Variants in CNTNAP2 observed in about 807,000 individuals in gnomAD.
CNTNAP2 encodes the protein contactin associated protein 2.
Under a neutral mutation model 155.2 loss-of-function variants are expected in CNTNAP2, and 98 were observed. The observed-to-expected ratio is 0.63, with a 90% confidence interval of 0.54 to 0.75. The LOEUF is 0.75. Among genes scored for constraint, CNTNAP2 ranks in the 30% least tolerant of loss-of-function variants. CNTNAP2 has a pLI of 0.00. For synonymous variants in CNTNAP2, 651 were observed against 631.2 expected (o/e 1.03, Z -0.47); for missense variants, 1,727 against 1,688.1 (o/e 1.02, Z -0.40).
At chr7:148,325,665 A>G (rs4726952) in intron 21 of CNTNAP2, among the ~76,000 whole-genome samples, 13,863 of 152,324 alleles carry the variant, frequency 0.091, 806 homozygotes, top group Non-Finnish European at 0.14. Flanking sequence ...TCATGTAAAC[A>G]TAGAACTTTT....
intron 1 of CNTNAP2, among the ~76,000 whole-genome samples, chr7:146,634,298 G>T (rs1029888166): frequency 6.6e-6 from 1 of 152,132 alleles, no homozygotes; most frequent in African/African-American, 2.4e-5. Context: ...TCAGTCAGAA[G>T]AGAGCTGACA....
chr7:148,082,877 C>G lies in CNTNAP2; in HGVS notation c.2384-35241C>G, dbSNP rs183496114. Among the ~76,000 whole-genome samples, 25 of 152,198 alleles carry G rather than the reference C, an allele frequency of 1.6e-4. No individual in the cohort carries two copies. In the East Asian group the frequency reaches 4.8e-3, roughly 29 times the overall value. On this transcript the variant is annotated intron_variant, in intron 15 of 23. Transcript: ENST00000361727. ...TATTTTTAGTAGAGATGAGGTTTCA[C>G]CATGTTGGCCAGGCTGGTGTCGATC...
At chr7:146,682,789 G>A (rs1462058660) in intron 1 of CNTNAP2, among the ~76,000 whole-genome samples, 2 of 152,136 alleles carry the variant, frequency 1.3e-5, no homozygotes, top group African/African-American at 4.8e-5. Context: ...TGCATAATCG[G>A]TTAATAGATA....
chr7:148,321,089 A>G (rs1585270021), intron 21 of CNTNAP2, among the ~76,000 whole-genome samples: 1 of 152,222 alleles, frequency 6.6e-6, no homozygotes, highest in African/African-American at 2.4e-5. Flanking sequence ...CCCAAGTAGC[A>G]AGTGTGGCTA....
intron 9 of CNTNAP2, among the ~76,000 whole-genome samples, chr7:147,357,527 A>AT (rs149820729): frequency 0.035 from 5,268 of 151,428 alleles, 314 homozygotes; most frequent in African/African-American, 0.12. Flanking sequence ...TATTTTAATA[A>AT]TTTTTTTTTG....
At chr7:146,936,915 C>T (rs1471739941) in intron 3 of CNTNAP2, among the ~76,000 whole-genome samples, 1 of 152,034 alleles carries the variant, frequency 6.6e-6, no homozygotes, top group East Asian at 1.9e-4. Context: ...GCCTGATTCA[C>T]GAAGGTTTCA....
chr7:148,191,693 A>G (rs1378761148), intron 18 of CNTNAP2, among the ~76,000 whole-genome samples: 2 of 152,134 alleles, frequency 1.3e-5, no homozygotes, highest in Non-Finnish European at 2.9e-5. Flanking sequence ...CTCTTTTATA[A>G]GGGGACTAAA....
intron 13 of CNTNAP2, among the ~76,000 whole-genome samples, chr7:147,806,216 A>G (rs1798088177): frequency 6.6e-6 from 1 of 152,232 alleles, no homozygotes; most frequent in Non-Finnish European, 1.5e-5. Context: ...TCACATACAT[A>G]TGCCCAACAG....
intron 15 of CNTNAP2, among the ~76,000 whole-genome samples, chr7:148,021,674 C>G (rs1370452614): frequency 1.3e-5 from 2 of 152,206 alleles, no homozygotes; most frequent in African/African-American, 4.8e-5. Context: ...ACTCTGTGCT[C>G]TCAGAGGACT....
intron 1 of CNTNAP2, among the ~76,000 whole-genome samples, chr7:146,209,702 T>C (rs1332363826): frequency 6.6e-6 from 1 of 152,138 alleles, no homozygotes; most frequent in Non-Finnish European, 1.5e-5. Context: ...AAGGAAATGT[T>C]TGAAATAAAG....
At chr7:146,875,881 AACAC>A (rs772485537) in intron 3 of CNTNAP2, among the ~76,000 whole-genome samples, 1 of 139,086 alleles carries the variant, frequency 7.2e-6, no homozygotes, top group East Asian at 2.1e-4. Context: ...CCTTATCTTA[AACAC>A]ACACACACAC....
intron 4 of CNTNAP2, among the ~76,000 whole-genome samples, chr7:147,094,991 C>T (rs1800496750): frequency 6.6e-6 from 1 of 151,916 alleles, no homozygotes; most frequent in Non-Finnish European, 1.5e-5. Flanking sequence ...TGTGCAAGGG[C>T]AACGCATCTT....
intron 2 of CNTNAP2, among the ~76,000 whole-genome samples, chr7:146,807,930 A>T (rs1054875098): frequency 6.6e-6 from 1 of 152,090 alleles, no homozygotes; most frequent in African/African-American, 2.4e-5. Flanking sequence ...GGCATAGTAC[A>T]TTTGCTAGTG....
At position 146,839,732 on chromosome 7, in the gene CNTNAP2, C is replaced by T. The variant is rs1189833182; in HGVS notation, c.230C>T (p.Ser77Leu). The T allele has an allele frequency of 1.9e-6, 3 of 1,614,220 alleles. No individual in the cohort carries two copies. The South Asian group carries it at 3.3e-5, about 18-fold the overall frequency. Residue 77 changes from serine to leucine, a missense_variant, in exon 3 of 24, where the codon TCA becomes TTA. By Grantham distance (145) the Ser-to-Leu change is moderately radical. Transcript: ENST00000361727. ...KRGGAGGWSPSDSDHYQWLQV... is the reference protein window; with the variant it reads ...KRGGAGGWSPLDSDHYQWLQV... ...TCAGGTGCTGGGGGATGGTCTCCAT[C>T]AGACAGCGACCATTATCAATGGCTT...
intron 13 of CNTNAP2, among the ~76,000 whole-genome samples, chr7:147,712,339 A>G (rs1197851226): frequency 6.6e-6 from 1 of 152,148 alleles, no homozygotes; most frequent in Non-Finnish European, 1.5e-5. Context: ...ACAGTGTGGC[A>G]ATTCCTCAAG....
At chr7:147,112,415 G>T (rs1407139257) in intron 5 of CNTNAP2, among the ~76,000 whole-genome samples, 1 of 152,138 alleles carries the variant, frequency 6.6e-6, no homozygotes, top group African/African-American at 2.4e-5. Context: ...GTGTTGAATA[G>T]TCACGGTGAG....
chr7:147,689,465 C>T (rs1796058934), intron 13 of CNTNAP2, among the ~76,000 whole-genome samples: 1 of 152,052 alleles, frequency 6.6e-6, no homozygotes, highest in Non-Finnish European at 1.5e-5. Context: ...TTACTTTGAT[C>T]TCCCTCTCAT....
chr7:147,277,849 A>C (rs1260381955), intron 8 of CNTNAP2, among the ~76,000 whole-genome samples: 1 of 151,664 alleles, frequency 6.6e-6, no homozygotes, highest in Non-Finnish European at 1.5e-5. Context: ...TTTTTAAGTA[A>C]ACAACATTTA....
At chr7:147,410,860 G>A (rs1282141213) in intron 10 of CNTNAP2, among the ~76,000 whole-genome samples, 1 of 152,100 alleles carries the variant, frequency 6.6e-6, no homozygotes, top group Admixed American at 6.5e-5. Context: ...ATGGCATGTG[G>A]CTCACAAGTT....
Sources: gnomAD v4.1 joint callset for allele counts (sites outside exome capture counted in the v4.1 genomes callset) on GRCh38, gnomAD v4.1.1 for gene constraint, MANE v1.5 for transcripts, NCBI Gene and HGNC (gene_info 2026-07-23, HGNC 2026-07-21) for gene names.